Variants in APLP2 observed in about 807,000 individuals in gnomAD.
The protein encoded by APLP2 is amyloid beta precursor like protein 2.
In APLP2, 53 loss-of-function variants were observed where a neutral mutation model predicts 89.9. The observed-to-expected ratio is 0.59, with a 90% CI of 0.47 to 0.74. The LOEUF is 0.74. Ranked by LOEUF, APLP2 falls within the 30% of genes least tolerant of loss-of-function variation. The pLI is 0.00. For missense variants in APLP2, 973 were observed against 975.9 expected, an observed-to-expected ratio of 1.00 and a Z score of 0.04; for synonymous variants, 372 against 348.6, an observed-to-expected ratio of 1.07 and a Z score of -0.75.
At chr11:130,106,858 T>C (rs1947849011) in intron 1 of APLP2, among the ~76,000 whole-genome samples, 1 of 152,132 alleles carries the variant, frequency 6.6e-6, no homozygotes, top group African/African-American at 2.4e-5. Flanking sequence ...CTGGCTAATT[T>C]GTGTATTTTT....
chr11:130,114,959 A>T (rs201075049), intron 3 of APLP2, among the ~76,000 whole-genome samples: 1 of 152,220 alleles, frequency 6.6e-6, no homozygotes, highest in East Asian at 1.9e-4. Context: ...TGAGTTCATG[A>T]CAGCCACTGA....
chr11:130,133,944 C>T (rs980294890), intron 12 of APLP2, among the ~76,000 whole-genome samples: 3 of 152,220 alleles, frequency 2.0e-5, no homozygotes, highest in South Asian at 2.1e-4. Context: ...CATGGAGCCT[C>T]GGGCTTCACT....
chr11:130,129,458 G>A (rs1167022128), intron 10 of APLP2, among the ~76,000 whole-genome samples: 2 of 152,308 alleles, frequency 1.3e-5, no homozygotes, highest in African/African-American at 2.4e-5. Context: ...ATAACCTCGC[G>A]AAATTGATGG....
At chr11:130,135,878 C>T (rs570679091) in intron 13 of APLP2, among the ~76,000 whole-genome samples, 163 bp downstream of exon 13, 1 of 152,234 alleles carries the variant, frequency 6.6e-6, no homozygotes, top group African/African-American at 2.4e-5. Context: ...GTGCAAGGAC[C>T]CTGCTAGATG....
At chr11:130,103,660 C>T (rs1034430648) in intron 1 of APLP2, among the ~76,000 whole-genome samples, 1 of 152,152 alleles carries the variant, frequency 6.6e-6, no homozygotes, top group African/African-American at 2.4e-5. Flanking sequence ...ATCTTTGGTG[C>T]TGATAAATGG....
intron 1 of APLP2, among the ~76,000 whole-genome samples, chr11:130,088,970 C>CA (rs542292993): frequency 2.4e-4 from 36 of 151,966 alleles, no homozygotes; most frequent in Non-Finnish European, 4.9e-4. Flanking sequence ...GTCTGGTGGA[C>CA]AAAAAACGCG....
In APLP2 at chr11:130,141,882, C is replaced by A; in HGVS notation, c.1999-37C>A. The A allele has an allele frequency of 2.5e-6, 4 of 1,575,510 alleles. No homozygotes were observed. In the South Asian group the frequency reaches 3.5e-5, roughly 14 times the overall value. ...ACTTGCCTCACGGCTGCCAGATGGTCACTGGGACTTTTTTCCACGTCTGCT... is the reference window on the plus strand; with the variant it reads ...ACTTGCCTCACGGCTGCCAGATGGTAACTGGGACTTTTTTCCACGTCTGCT... On this transcript the variant is annotated intron_variant, in intron 15 of 16. Coordinates refer to ENST00000338167, the MANE Select transcript of APLP2 (RefSeq NM_001142276.2). This position sits in a 1 kb window ranked among gnomAD's most constrained non-coding sequence, Gnocchi z 4.2.
chr11:130,142,331 G>A (rs1181957798), intron 16 of APLP2, among the ~76,000 whole-genome samples: 1 of 152,130 alleles, frequency 6.6e-6, no homozygotes, highest in African/African-American at 2.4e-5. Context: ...GCTACAGAGG[G>A]TGAAAACTCT....
At position 130,126,823 on chromosome 11, in the gene APLP2, T is replaced by C; in HGVS notation, c.1214T>C (p.Met405Thr). 1 of 1,614,216 alleles carries C rather than the reference T, an allele frequency of 6.2e-7. No homozygotes were observed. The change falls in exon 8 of 17, where the codon ATG becomes ACG. Residue 405 changes from methionine (M) to threonine (T), a missense_variant. Transcript: ENST00000338167. ...CTGGAGATTCGGCACCGCAACCGAA[T>C]GGACAGGGTAAACCTTGACAATTTC... Reference protein sequence around the residue: ...EQLEIRHRNRMDRVKKEWEEA... With the variant: ...EQLEIRHRNRTDRVKKEWEEA...
chr11:130,075,454 A>G (rs77336287), intron 1 of APLP2, among the ~76,000 whole-genome samples: 17,053 of 152,242 alleles, frequency 0.11, 1,236 homozygotes, highest in East Asian at 0.25. Context: ...TCTGTGCTAG[A>G]TGCTAAACAG....
Position 130,135,643 on chromosome 11 carries a change from A to G in APLP2, c.1765A>G (p.Ser589Gly), listed in dbSNP as rs767693816. 2 of 1,614,156 alleles carry G rather than the reference A, an allele frequency of 1.2e-6. No homozygotes were observed. The highest frequency in any genetic ancestry group is 1.1e-5 in the South Asian group (1 of 91,076). ...ISETPVDVRV[S>G]SEESEEIPPF... ...AGAGACCCCTGTGGACGTCCGGGTG[A>G]GCTCTGAGGAGAGTGAGGAGATCCC... is the stretch of plus-strand genomic sequence containing the variant. Residue 589 changes from serine to glycine, a missense_variant, in exon 13 of 17, where the codon AGC becomes GGC. Ser to Gly is a moderately conservative substitution (Grantham distance 56). Coordinates refer to ENST00000338167, the MANE Select transcript of APLP2 (RefSeq NM_001142276.2).
intron 11 of APLP2, among the ~76,000 whole-genome samples, chr11:130,132,671 G>A (rs572002324): frequency 3.3e-5 from 5 of 151,272 alleles, no homozygotes; most frequent in South Asian, 2.1e-4. Context: ...AGTGAGCTAC[G>A]GTAGATGAGT....
chr11:130,117,094 G>C (rs1292856531), intron 3 of APLP2, among the ~76,000 whole-genome samples: 77 of 152,072 alleles, frequency 5.1e-4, no homozygotes, highest in South Asian at 2.1e-4. Context: ...TTGTGCCACT[G>C]TACTCCAGCC....
intron 1 of APLP2, among the ~76,000 whole-genome samples, chr11:130,074,147 CTAGT>C (rs771030301): frequency 2.0e-5 from 3 of 152,158 alleles, no homozygotes; most frequent in African/African-American, 4.8e-5. Context: ...TGTCGGTTTT[CTAGT>C]TAGTTTGTTG....
intron 3 of APLP2, among the ~76,000 whole-genome samples, chr11:130,120,110 T>C (rs1279677143): frequency 6.6e-6 from 1 of 152,208 alleles, no homozygotes; most frequent in Non-Finnish European, 1.5e-5. Flanking sequence ...GTAGGTGATA[T>C]ATTATTTTTA....
chr11:130,137,916 C>A (rs1474995696), intron 13 of APLP2, among the ~76,000 whole-genome samples: 5 of 152,156 alleles, frequency 3.3e-5, no homozygotes, highest in Non-Finnish European at 5.9e-5. Flanking sequence ...CATTCTTGTC[C>A]CCATCTTAGT....
chr11:130,093,935 C>G (rs1945817185), intron 1 of APLP2, among the ~76,000 whole-genome samples: 1 of 151,674 alleles, frequency 6.6e-6, no homozygotes. Context: ...TTAGTAGAGA[C>G]AGGGTTTCAC....
chr11:130,140,480 C>T lies in APLP2; in HGVS notation c.1920C>T (p.Asn640=), dbSNP rs1480121478. The change falls in exon 14 of 17, where the codon AAC becomes AAT. Residue 640 remains asparagine (N), a synonymous_variant. Transcript: ENST00000338167. ...ACAGTAAGAATAAAGTGGATGAAAACATGGTGAGCCTGTTCTTTCTTCTGC... is the reference window on the plus strand; with the variant it reads ...ACAGTAAGAATAAAGTGGATGAAAATATGGTGAGCCTGTTCTTTCTTCTGC... ...VINSKNKVDE[N]MVIDETLDVK... 1.9e-6 allele frequency: 3 copies of T among 1,607,548 alleles called. No individual in the cohort carries two copies. The highest frequency in any genetic ancestry group is 1.3e-5 in the African/African-American group (1 of 74,648).
Position 130,133,706 on chromosome 11 carries a change from C to A in APLP2, c.1662C>A (p.Ala554=), listed in dbSNP as rs557931559. Residue 554 remains alanine, a synonymous_variant, in exon 12 of 17, where the codon GCC becomes GCA. Coordinates refer to ENST00000338167, the MANE Select transcript of APLP2 (RefSeq NM_001142276.2). ...TGCTCTACAAAGTACCTTATGTAGC[C>A]CAAGAAATTCAAGAGGAAATTGGTG... ...LSLLYKVPYV[A]QEIQEEIDEL... The A allele has an allele frequency of 6.2e-7, 1 of 1,613,842 alleles. No individual in the cohort carries two copies. The highest frequency in any genetic ancestry group is 1.7e-5 in the Admixed American group (1 of 60,028).
Sources: gnomAD v4.1 joint callset for allele counts (sites outside exome capture counted in the v4.1 genomes callset) on GRCh38, gnomAD v4.1.1 for gene constraint, Gnocchi (gnomAD v3.1) non-coding constraint, MANE v1.5 for transcripts, NCBI Gene and HGNC (gene_info 2026-07-23, HGNC 2026-07-21) for gene names.